GPRIN2: variants seen among roughly 807,000 people sequenced by gnomAD.
GPRIN2 encodes the protein G protein regulated inducer of neurite outgrowth 2, also known as G protein-regulated inducer of neurite outgrowth 2.
A neutral mutation model predicts 0.3 loss-of-function variants in GPRIN2; 1 was observed. That is an observed-to-expected ratio of 3.90 (90% CI 1.39 to 18.51). The LOEUF is 18.51. GPRIN2 is among the 30% of genes most tolerant of loss of function. The probability of loss-of-function intolerance (pLI) is 0.11; values close to 1 mark genes in which losing one functional copy is unlikely to be tolerated. For synonymous variants in GPRIN2, 361 were observed against 258.6 expected, an observed-to-expected ratio of 1.40 and a Z score of -3.80; for missense variants, 880 against 604.2, an observed-to-expected ratio of 1.46 and a Z score of -4.79.
At chr10:46,552,281 C>T (rs1832128661) in intron 2 of GPRIN2, among the ~76,000 whole-genome samples, 24 of 152,406 alleles carry the variant, frequency 1.6e-4, no homozygotes, top group African/African-American at 5.8e-4. Context: ...CCACCTCGGC[C>T]CTGGCCACAG....
In GPRIN2 at chr10:46,545,079, A is replaced by G. The variant is rs1025491473; in HGVS notation, c.*4281T>C. ...TGCCAAGCTCTGCATTTAACTAACC[A>G]AGGCTGCTTGGCGTGAACAAAACTG... On this transcript the variant is annotated 3_prime_UTR_variant, in exon 3 of 3. Transcript: ENST00000374314. Among the ~76,000 whole-genome samples the G allele has an allele frequency of 1.3e-5, 2 of 152,304 alleles. No individual in the cohort carries two copies. The highest frequency in any genetic ancestry group is 4.1e-4 in the South Asian group (2 of 4,834).
rs1832564379 is a variant in GPRIN2, at chr10:46,549,878, G to T, written c.859C>A (p.Pro287Thr). ...KIHCRLSGGLPGHSHCCAHLW... is the reference protein window; with the variant it reads ...KIHCRLSGGLTGHSHCCAHLW... Reference sequence around the variant, plus strand: ...TGGGCACAGCAATGGGAATGCCCAGGGAGCCCCCCAGACAACCTACAGTGG... The same window carrying T: ...TGGGCACAGCAATGGGAATGCCCAGTGAGCCCCCCAGACAACCTACAGTGG... The change falls in exon 3 of 3, where the codon CCT (proline) becomes ACT (threonine). Residue 287 changes from proline (P) to threonine (T), a missense_variant. Transcript: ENST00000374314. 2.5e-5 allele frequency: 41 copies of T among 1,614,130 alleles called. No individual in the cohort carries two copies. In the East Asian group the frequency reaches 8.9e-4, roughly 35 times the overall value.
At chr10:46,556,184 A>G (rs1310237247) in intron 1 of GPRIN2, among the ~76,000 whole-genome samples, 3 of 152,310 alleles carry the variant, frequency 2.0e-5, no homozygotes, top group African/African-American at 7.2e-5. Context: ...GAGGGAGGGG[A>G]AAAGGAAGAA....
At chr10:46,556,830 C>G (rs1165135697), upstream of GPRIN2, among the ~76,000 whole-genome samples, 1 of 152,284 alleles carries the variant, frequency 6.6e-6, no homozygotes, top group Non-Finnish European at 1.5e-5. Context: ...AGGCCGGGTC[C>G]CCACTGTCCT....
intron 1 of GPRIN2, among the ~76,000 whole-genome samples, chr10:46,555,915 T>C (rs1032472190): frequency 6.6e-6 from 1 of 152,308 alleles, no homozygotes; most frequent in African/African-American, 2.4e-5. Context: ...AGGCCGCCCC[T>C]GCTGCGGGGC....
rs1842381558 is a variant in GPRIN2, at chr10:46,548,598, A to G, written c.*762T>C. On this transcript the variant is annotated 3_prime_UTR_variant, in exon 3 of 3. Transcript: ENST00000374314. ...CATCCTCCCCTGCCATCCCCAACCC[A>G]CACCATGAGCTCAGCCAGGGCAGGG... 6.6e-6 allele frequency among the ~76,000 whole-genome samples: 1 copy of G among 152,422 alleles called. No individual in the cohort carries two copies. The highest frequency in any genetic ancestry group is 2.4e-5 in the African/African-American group (1 of 41,606).
At chr10:46,552,470 G>A (rs1842721678) in intron 2 of GPRIN2, among the ~76,000 whole-genome samples, 2 of 152,312 alleles carry the variant, frequency 1.3e-5, no homozygotes, top group Non-Finnish European at 2.9e-5. Flanking sequence ...CTACCCGAGA[G>A]GAAATTCGGG....
intron 2 of GPRIN2, among the ~76,000 whole-genome samples, chr10:46,552,294 G>A (rs1842701874): frequency 6.6e-6 from 1 of 152,308 alleles, no homozygotes; most frequent in Non-Finnish European, 1.5e-5. Flanking sequence ...GGCCACAGCA[G>A]TGAATTAGGG....
rs1368237154 is a variant in GPRIN2 at position 46,547,589 on chromosome 10, G to A, written c.*1771C>T. 1.3e-5 allele frequency among the ~76,000 whole-genome samples: 2 copies of A among 152,308 alleles called. No individual in the cohort carries two copies. Among genetic ancestry groups the A allele is most frequent in the African/African-American group, 2.4e-5 (1 of 41,488 alleles). On this transcript the variant is annotated 3_prime_UTR_variant, in exon 3 of 3. Coordinates refer to ENST00000374314, the MANE Select transcript of GPRIN2 (RefSeq NM_001385282.1). ...ACCTGTCTAACCCCTGCATCCTCAA[G>A]ACCCTACTTAGCTATGGCCCTGTGT...
Position 46,549,994 on chromosome 10 carries a change from T to A in GPRIN2, c.743A>T (p.His248Leu). Reference sequence around the variant, plus strand: ...CAGGATCCCTGTGGCAGGTAGGGCATGGCAGCAGCCACCAGCCCTCACCTC... The same window carrying A: ...CAGGATCCCTGTGGCAGGTAGGGCAAGGCAGCAGCCACCAGCCCTCACCTC... ...MREVRAGGCCHALPATGILAF... is the reference protein window; with the variant it reads ...MREVRAGGCCLALPATGILAF... Residue 248 changes from histidine (H) to leucine (L), a missense_variant, in exon 3 of 3, where the codon CAT becomes CTT. Physicochemically the swap from His to Leu is moderately conservative, Grantham distance 99. Transcript: ENST00000374314. The A allele has an allele frequency of 6.2e-7, 1 of 1,611,712 alleles. No individual in the cohort carries two copies. Among genetic ancestry groups the A allele is most frequent in the Non-Finnish European group, 8.5e-7 (1 of 1,178,470 alleles).
At position 46,543,489 on chromosome 10, in the gene GPRIN2, T is replaced by C. The variant is rs543283937; in HGVS notation, c.*5871A>G. Among the ~76,000 whole-genome samples the C allele has an allele frequency of 6.6e-6, 1 of 152,280 alleles. No individual in the cohort carries two copies. ...ACCAGCAGAGGTCCCCCGACTGTCCTTGGCTGTGTGCACACAGAGGTGCTG... is the reference window on the plus strand; with the variant it reads ...ACCAGCAGAGGTCCCCCGACTGTCCCTGGCTGTGTGCACACAGAGGTGCTG... On this transcript the variant is annotated 3_prime_UTR_variant, in exon 3 of 3. Coordinates refer to ENST00000374314, the MANE Select transcript of GPRIN2 (RefSeq NM_001385282.1).
In GPRIN2 at chr10:46,543,733, C is replaced by A. The variant is rs1841920860; in HGVS notation, c.*5627G>T. ...CACATTCCCTCCCAATAAAGTAGGG[C>A]CATGAAAGATGAATTTTAGGATATC... On this transcript the variant is annotated 3_prime_UTR_variant, in exon 3 of 3. Transcript: ENST00000374314. 6.6e-6 allele frequency among the ~76,000 whole-genome samples: 1 copy of A among 152,306 alleles called. No homozygotes were observed. Among genetic ancestry groups the A allele is most frequent in the African/African-American group, 2.4e-5 (1 of 41,488 alleles).
At position 46,547,556 on chromosome 10, in the gene GPRIN2, C is replaced by G. The variant is rs1271344066; in HGVS notation, c.*1804G>C. 6.6e-6 allele frequency among the ~76,000 whole-genome samples: 1 copy of G among 152,308 alleles called. No individual in the cohort carries two copies. The highest frequency in any genetic ancestry group is 1.5e-5 in the Non-Finnish European group (1 of 68,058). ...ATCTGCCAGGCAGGTCCTGCCCTCT[C>G]TCCACCCACCTGTCTAACCCCTGCA... On this transcript the variant is annotated 3_prime_UTR_variant, in exon 3 of 3. Transcript: ENST00000374314.
intron 2 of GPRIN2, chr10:46,551,426 A>G (rs1588970001): frequency 1.0e-6 from 1 of 985,416 alleles, no homozygotes; most frequent in East Asian, 1.1e-4. Flanking sequence ...CTCTAGCTCC[A>G]GGGGCAAGGA....
At position 46,547,200 on chromosome 10, in the gene GPRIN2, CAT is replaced by C. The variant is rs1832861128; in HGVS notation, c.*2158_*2159del. Reference sequence around the variant, plus strand: ...GCCTCCTCCCCAAATCCATTGCACACATGTGTGCCTGTGTATGCGTGTGTGTG... The same window carrying C: ...GCCTCCTCCCCAAATCCATTGCACACGTGTGCCTGTGTATGCGTGTGTGTG... On this transcript the variant is annotated 3_prime_UTR_variant, in exon 3 of 3. Transcript: ENST00000374314. Among the ~76,000 whole-genome samples, 4,253 of 148,620 alleles carry C rather than the reference CAT, an allele frequency of 0.029. No homozygotes were observed. Among genetic ancestry groups the C allele is most frequent in the East Asian group, 0.14 (674 of 4,780 alleles).
chr10:46,542,782 G>A lies in GPRIN2; in HGVS notation c.*6578C>T, dbSNP rs1454622712. ...TTCCTGACAGCAGAGAAGCATACAG[G>A]TGGGACAGTGCAGTGTGTCCCCACA... On this transcript the variant is annotated 3_prime_UTR_variant, in exon 3 of 3. Transcript: ENST00000374314. Among the ~76,000 whole-genome samples the A allele has an allele frequency of 1.3e-5, 2 of 152,308 alleles. No individual in the cohort carries two copies. Among genetic ancestry groups the A allele is most frequent in the Non-Finnish European group, 2.9e-5 (2 of 68,056 alleles).
chr10:46,554,259 C>A (rs1190055413), intron 2 of GPRIN2, among the ~76,000 whole-genome samples: 1 of 152,310 alleles, frequency 6.6e-6, no homozygotes, highest in African/African-American at 2.4e-5. Context: ...GCCATCAAGA[C>A]ACCCCAAAGG....
At chr10:46,551,706 C>T (rs1274925340) in intron 2 of GPRIN2, among the ~76,000 whole-genome samples, 1 of 152,312 alleles carries the variant, frequency 6.6e-6, no homozygotes, top group African/African-American at 2.4e-5. Flanking sequence ...CGTACCATCG[C>T]TGTCACTTCC....
At chr10:46,556,157 A>G (rs1831853619) in intron 1 of GPRIN2, among the ~76,000 whole-genome samples, 1 of 152,420 alleles carries the variant, frequency 6.6e-6, no homozygotes, top group African/African-American at 2.4e-5. Context: ...GGGGCGGGGT[A>G]GGCGGCGCAG....
Sources: allele counts gnomAD v4.1 joint callset (sites outside exome capture counted in the v4.1 genomes callset), GRCh38; gene constraint gnomAD v4.1.1; transcripts MANE v1.5; gene names NCBI Gene and HGNC (gene_info 2026-07-23, HGNC 2026-07-21).